Variants in GALNTL6 observed in about 807,000 individuals in gnomAD.
GALNTL6 encodes the protein polypeptide N-acetylgalactosaminyltransferase like 6, also known as polypeptide N-acetylgalactosaminyltransferase-like 6.
A neutral mutation model predicts 73.7 loss-of-function variants in GALNTL6; 46 were observed. That is an observed-to-expected ratio of 0.62 (90% confidence interval 0.49 to 0.80). The LOEUF (loss-of-function observed/expected upper bound fraction) is 0.80. Among genes scored for constraint, GALNTL6 ranks in the 30% least tolerant of loss-of-function variants. GALNTL6 has a pLI of 0.00. For synonymous variants in GALNTL6, 259 were observed against 263.7 expected (o/e 0.98, Z 0.17); for missense variants, 604 against 755.0 (o/e 0.80, Z 2.34).
rs186518877 is a variant in GALNTL6, at chr4:172,199,967, A to C, written c.139-29689A>C. On this transcript the variant is annotated intron_variant, in intron 2 of 12. Transcript: ENST00000506823. ...TTTGGAGGAATCTAAGAGCCCTTAA[A>C]AAACATCATTCCAAATTCTTTAATT... Among the ~76,000 whole-genome samples the C allele has an allele frequency of 5.3e-5, 8 of 152,334 alleles. No homozygotes were observed. In the East Asian group the frequency reaches 1.5e-3, roughly 29 times the overall value.
intron 2 of GALNTL6, among the ~76,000 whole-genome samples, chr4:171,984,689 CA>C (rs1259712035): frequency 6.6e-6 from 1 of 151,866 alleles, no homozygotes; most frequent in Admixed American, 6.6e-5. Flanking sequence ...AAGTAGGAAG[CA>C]GGGGAAAGGA....
chr4:173,017,515 C>G (rs540368913), intron 11 of GALNTL6, among the ~76,000 whole-genome samples: 2 of 152,114 alleles, frequency 1.3e-5, no homozygotes, highest in South Asian at 4.2e-4. Context: ...GACTCAATGC[C>G]TGATTGGTTT....
chr4:172,422,225 C>T (rs1422198919), intron 5 of GALNTL6, among the ~76,000 whole-genome samples: 4 of 152,076 alleles, frequency 2.6e-5, no homozygotes, highest in African/African-American at 4.8e-5. Context: ...TCCAATTTCT[C>T]TTCTGGACTT....
chr4:171,814,440 T>C lies in GALNTL6; in HGVS notation c.-141T>C, dbSNP rs1021902484. ...GCCAACTCCCTCTGAATCCTGCAGATTGGTGCTGAGCACGCAACAAAAGTT... is the reference window on the plus strand; with the variant it reads ...GCCAACTCCCTCTGAATCCTGCAGACTGGTGCTGAGCACGCAACAAAAGTT... On this transcript the variant is annotated 5_prime_UTR_variant, in exon 2 of 13. Transcript: ENST00000506823. 2.3e-5 allele frequency: 18 copies of C among 769,432 alleles called. No homozygotes were observed. The African/African-American group carries it at 2.8e-4, about 12-fold the overall frequency. 47.7% of individuals were successfully genotyped at this position (769,432 alleles called of 1,614,324 possible).
At chr4:172,445,955 T>C in intron 5 of GALNTL6, among the ~76,000 whole-genome samples, 1 of 152,128 alleles carries the variant, frequency 6.6e-6, no homozygotes, top group East Asian at 1.9e-4. Context: ...CCTGTGCCAA[T>C]ACTGGGATAT....
At chr4:172,011,263 T>C (rs149527971) in intron 2 of GALNTL6, among the ~76,000 whole-genome samples, 50 of 152,218 alleles carry the variant, frequency 3.3e-4, no homozygotes, top group South Asian at 1.2e-3. Context: ...GAACAAGAAT[T>C]GGTCTGGAGA....
chr4:172,338,785 A>G (rs1164894594), intron 4 of GALNTL6, among the ~76,000 whole-genome samples: 1 of 152,166 alleles, frequency 6.6e-6, no homozygotes, highest in Non-Finnish European at 1.5e-5. Flanking sequence ...AGGTCTGCCT[A>G]AAGGTTACCT....
intron 3 of GALNTL6, among the ~76,000 whole-genome samples, chr4:172,271,824 A>G (rs1738665291): frequency 6.6e-6 from 1 of 152,086 alleles, no homozygotes; most frequent in Admixed American, 6.6e-5. Flanking sequence ...GCATCCTCTA[A>G]AGGGAAAATG....
chr4:172,342,000 C>T (rs1741584428), intron 4 of GALNTL6, among the ~76,000 whole-genome samples: 1 of 151,920 alleles, frequency 6.6e-6, no homozygotes, highest in African/African-American at 2.4e-5. Context: ...TATGCAAAAC[C>T]AATATAGGAA....
intron 5 of GALNTL6, among the ~76,000 whole-genome samples, chr4:172,790,415 A>G (rs1739927719): frequency 6.6e-6 from 1 of 152,192 alleles, no homozygotes; most frequent in Non-Finnish European, 1.5e-5. Flanking sequence ...CTCTCTGCCC[A>G]TGCACACACA....
In GALNTL6 at chr4:172,146,870, A is replaced by G. The variant is rs1472094255; in HGVS notation, c.139-82786A>G. Among the ~76,000 whole-genome samples, 2 of 152,214 alleles carry G rather than the reference A, an allele frequency of 1.3e-5. 1 individual carries two copies. The highest frequency in any genetic ancestry group is 3.8e-4 in the East Asian group (2 of 5,200). On this transcript the variant is annotated intron_variant, in intron 2 of 12. Coordinates refer to ENST00000506823, the MANE Select transcript of GALNTL6 (RefSeq NM_001034845.3). ...AAGGGGATCTATGTTATTAATCAAT[A>G]AGCACATATTAGCTACAATCCCCCA...
chr4:171,838,401 T>C (rs1419079694), intron 2 of GALNTL6, among the ~76,000 whole-genome samples: 4 of 151,982 alleles, frequency 2.6e-5, no homozygotes, highest in Admixed American at 2.0e-4. Context: ...GAGATTACAG[T>C]TGTGAGCCAC....
chr4:171,975,286 G>A (rs1001666741), intron 2 of GALNTL6, among the ~76,000 whole-genome samples: 1 of 152,090 alleles, frequency 6.6e-6, no homozygotes, highest in African/African-American at 2.4e-5. Context: ...TCTGACTCCA[G>A]AATATGTCCT....
At chr4:171,819,614 C>G (rs1734630784) in intron 2 of GALNTL6, among the ~76,000 whole-genome samples, 1 of 151,970 alleles carries the variant, frequency 6.6e-6, no homozygotes, top group African/African-American at 2.4e-5. Flanking sequence ...CCGTGACAAC[C>G]CTTAGAAAGT....
intron 7 of GALNTL6, among the ~76,000 whole-genome samples, chr4:172,824,624 G>A (rs529212956): frequency 1.4e-3 from 213 of 152,060 alleles, no homozygotes; most frequent in Non-Finnish European, 2.0e-3. Context: ...GAGTGAAAAA[G>A]AAACAAAATC....
intron 5 of GALNTL6, among the ~76,000 whole-genome samples, chr4:172,579,303 T>G (rs1737077184): frequency 6.6e-6 from 1 of 152,202 alleles, no homozygotes; most frequent in South Asian, 2.1e-4. Flanking sequence ...GCAACAAGTA[T>G]TTTTGCCCTG....
chr4:172,473,106 C>T (rs1234038285), intron 5 of GALNTL6, among the ~76,000 whole-genome samples: 1 of 152,238 alleles, frequency 6.6e-6, no homozygotes, highest in East Asian at 1.9e-4. Flanking sequence ...CCTTTCCCCA[C>T]TACACCTAAC....
intron 2 of GALNTL6, among the ~76,000 whole-genome samples, chr4:171,848,480 G>A (rs1263648654): frequency 1.3e-5 from 2 of 152,166 alleles, no homozygotes; most frequent in Non-Finnish European, 2.9e-5. Flanking sequence ...ACCAGGCCTT[G>A]ACTTTTCCTC....
intron 2 of GALNTL6, among the ~76,000 whole-genome samples, chr4:172,096,475 C>T (rs1732361575): frequency 6.6e-6 from 1 of 151,790 alleles, no homozygotes; most frequent in African/African-American, 2.4e-5. Context: ...TATTTTATTT[C>T]CATCCAATCA....
Sources: gnomAD v4.1 joint callset for allele counts (sites outside exome capture counted in the v4.1 genomes callset) on GRCh38, gnomAD v4.1.1 for gene constraint, MANE v1.5 for transcripts, NCBI Gene and HGNC (gene_info 2026-07-23, HGNC 2026-07-21) for gene names.